The following TSEN2 variants were observed in gnomAD, a reference collection of about 807,000 sequenced individuals.
TSEN2 encodes the protein tRNA splicing endonuclease subunit 2, also known as tRNA-splicing endonuclease subunit Sen2.
A neutral mutation model predicts 59.2 loss-of-function variants in TSEN2; 54 were observed. The observed-to-expected ratio is 0.91, with a 90% CI of 0.73 to 1.14. The LOEUF is 1.14. Ranked by LOEUF, TSEN2 falls within the 50% of genes most tolerant of loss-of-function variation. The pLI, the probability that TSEN2 is intolerant of heterozygous loss-of-function variation, is 0.00. For missense variants in TSEN2, 636 were observed against 576.2 expected (o/e 1.10, Z -1.06); for synonymous variants, 195 against 198.2 (o/e 0.98, Z 0.14).
Position 12,532,659 on chromosome 3 carries a change from TAGG to T in TSEN2, c.1340_1342del (p.Glu447del), listed in dbSNP as rs2057539291. The T allele has an allele frequency of 6.2e-7, 1 of 1,613,936 alleles. No homozygotes were observed. The highest frequency in any genetic ancestry group is 8.5e-7 in the Non-Finnish European group (1 of 1,179,972). On this transcript the variant is annotated splice_acceptor_variant and coding_sequence_variant, in exon 12 of 12. Transcript: ENST00000284995. LOFTEE classifies it high-confidence loss of function. ...AAATGGTCTTTTTTTTTATTGGTTG[TAGG>T]AGGTGATTCTGAGTCGATGGGTTTC...
chr3:12,528,862 T>G (rs1283774825), intron 8 of TSEN2, 26 bp from the exon 9 acceptor site: 9 of 1,613,614 alleles, frequency 5.6e-6, no homozygotes, highest in Non-Finnish European at 7.6e-6. Context: ...GTGGTTATAC[T>G]TCTTTTTTTT....
intron 6 of TSEN2, chr3:12,514,888 C>G (rs1472114711): frequency 6.6e-6 from 1 of 152,056 alleles, no homozygotes; most frequent in Admixed American, 6.5e-5. Flanking sequence ...TTTTCCAAAA[C>G]AAAAAATTTG....
chr3:12,507,644 A>G (rs940930843), intron 6 of TSEN2, among the ~76,000 whole-genome samples: 1 of 152,186 alleles, frequency 6.6e-6, no homozygotes, highest in South Asian at 2.1e-4. Context: ...GCTAAGTGCT[A>G]CCGATACTGA....
At chr3:12,521,733 T>C (rs565309513) in intron 8 of TSEN2, among the ~76,000 whole-genome samples, 2 of 150,808 alleles carry the variant, frequency 1.3e-5, no homozygotes, top group Non-Finnish European at 2.9e-5. Context: ...AAAAATAGGC[T>C]GGGCGCGGTG....
intron 6 of TSEN2, among the ~76,000 whole-genome samples, chr3:12,510,201 C>T (rs912671380): frequency 1.2e-4 from 18 of 152,170 alleles, no homozygotes; most frequent in Admixed American, 4.6e-4. Context: ...GGTCTGCCAC[C>T]GAACCCTTGG....
In TSEN2 at chr3:12,503,810, C is replaced by T. The variant is rs781280007; in HGVS notation, c.831+26C>T. On this transcript the variant is annotated intron_variant, in intron 5 of 11. Coordinates refer to ENST00000284995, the MANE Select transcript of TSEN2 (RefSeq NM_025265.4). Reference sequence around the variant, plus strand: ...GTAAGTAGAAGAAAATAAATCGCTTCCTCCAAAGCCATCCGTTCCTGGAGA... The same window carrying T: ...GTAAGTAGAAGAAAATAAATCGCTTTCTCCAAAGCCATCCGTTCCTGGAGA... 20 of 1,606,766 alleles carry T rather than the reference C, an allele frequency of 1.2e-5. No individual in the cohort carries two copies. The South Asian group carries it at 2.2e-4, about 18-fold the overall frequency.
At position 12,512,462 on chromosome 3, in the gene TSEN2, T is replaced by C. The variant is rs557978618; in HGVS notation, c.910-4149T>C. ...CCAGCACAGTTCCTGGCACATGTAATAGGTGCTCGTTTGGTTCCTGCCTTT... is the reference window on the plus strand; with the variant it reads ...CCAGCACAGTTCCTGGCACATGTAACAGGTGCTCGTTTGGTTCCTGCCTTT... On this transcript the variant is annotated intron_variant, in intron 6 of 11. Transcript: ENST00000284995. Among the ~76,000 whole-genome samples, 14 of 152,346 alleles carry C rather than the reference T, an allele frequency of 9.2e-5. No homozygotes were observed. The South Asian group carries it at 1.4e-3, about 16-fold the overall frequency.
At chr3:12,501,816 G>T (rs1184549185) in intron 4 of TSEN2, among the ~76,000 whole-genome samples, 1 of 152,096 alleles carries the variant, frequency 6.6e-6, no homozygotes, top group Non-Finnish European at 1.5e-5. Context: ...GAAGGTCGAG[G>T]CAAAAAGCAC....
intron 8 of TSEN2, among the ~76,000 whole-genome samples, chr3:12,521,249 A>G (rs1181482196): frequency 1.3e-5 from 2 of 152,256 alleles, no homozygotes; most frequent in East Asian, 1.9e-4. Flanking sequence ...TGTTTGAGGC[A>G]TCAAGAATAC....
chr3:12,522,595 C>G (rs2056738200), intron 8 of TSEN2, among the ~76,000 whole-genome samples: 1 of 152,212 alleles, frequency 6.6e-6, no homozygotes, highest in Non-Finnish European at 1.5e-5. Flanking sequence ...ATTTTAATTT[C>G]AAAGGCCAAT....
At position 12,517,075 on chromosome 3, in the gene TSEN2, C is replaced by T. The variant is rs556960601; in HGVS notation, c.960+414C>T. On this transcript the variant is annotated intron_variant, in intron 7 of 11. Transcript: ENST00000284995. ...GAATTTGCAGATAAGGGGCCGGGCC[C>T]GGTGGCTCACGCCTGTAATCCCAGC... 1.3e-4 allele frequency among the ~76,000 whole-genome samples: 20 copies of T among 152,196 alleles called. No homozygotes were observed. The East Asian group carries it at 2.5e-3, about 19-fold the overall frequency.
intron 4 of TSEN2, among the ~76,000 whole-genome samples, chr3:12,497,765 T>C (rs1194154000): frequency 6.6e-6 from 1 of 152,152 alleles, no homozygotes; most frequent in Non-Finnish European, 1.5e-5. Flanking sequence ...TCCCAAGAAG[T>C]TTCATTGACC....
At chr3:12,492,998 A>G (rs992797573) in intron 3 of TSEN2, among the ~76,000 whole-genome samples, 1 of 152,198 alleles carries the variant, frequency 6.6e-6, no homozygotes. Context: ...TTTACCTATT[A>G]TAGATATTTC....
intron 7 of TSEN2, 105 bp downstream of exon 7, chr3:12,516,766 T>A (rs2125142392): frequency 1.7e-6 from 2 of 1,171,354 alleles, no homozygotes; most frequent in Non-Finnish European, 2.5e-6. Flanking sequence ...CTACTCTTAC[T>A]GAATAAAATA....
At chr3:12,490,096 G>T in intron 2 of TSEN2, 107 bp downstream of exon 2, 2 of 1,091,972 alleles carry the variant, frequency 1.8e-6, no homozygotes, top group Non-Finnish European at 2.8e-6. Context: ...TGAACAATGT[G>T]TATTCTTTCC....
In TSEN2 at chr3:12,484,678, G is replaced by A. The variant is rs182837891; in HGVS notation, c.-220G>A. On this transcript the variant is annotated 5_prime_UTR_variant, in exon 1 of 12. Coordinates refer to ENST00000284995, the MANE Select transcript of TSEN2 (RefSeq NM_025265.4). ...GGCCGAGACAGTGCCGGGACGGGGA[G>A]CCAGGCTTCCGAGTGCGCCCGGTCA... 1,542 of 152,414 alleles carry A rather than the reference G, an allele frequency of 0.01. 14 individuals carry two copies. The highest frequency in any genetic ancestry group is 0.014 in the Non-Finnish European group (925 of 68,072). The allele number at this position is 152,414 out of a possible 1,614,324, so 9.4% of individuals were successfully genotyped here.
intron 6 of TSEN2, among the ~76,000 whole-genome samples, 167 bp from the exon 7 acceptor site, chr3:12,516,444 A>ATGTGTGTGTGTGTGTG (rs1289799497): frequency 1.9e-5 from 1 of 51,632 alleles, no homozygotes; most frequent in African/African-American, 8.6e-5. Context: ...CAAACAAAAT[A>ATGTGTGTGTGTGTGTG]TATGTGTGTG....
chr3:12,539,491 C>G (rs1187467055), exon 11 of TSEN2: 1 of 181,326 alleles, frequency 5.5e-6, no homozygotes, highest in African/African-American at 2.4e-5. Context: ...TACTTCATAA[C>G]TTGTGTCTCA....
At chr3:12,525,542 T>C (rs1339675607) in intron 8 of TSEN2, among the ~76,000 whole-genome samples, 1 of 146,882 alleles carries the variant, frequency 6.8e-6, no homozygotes, top group Non-Finnish European at 1.5e-5. Flanking sequence ...CTTTCAGACC[T>C]TATTTTTACT....
Sources: allele counts gnomAD v4.1 joint callset (sites outside exome capture counted in the v4.1 genomes callset), GRCh38; gene constraint gnomAD v4.1.1; transcripts MANE v1.5; gene names NCBI Gene and HGNC (gene_info 2026-07-23, HGNC 2026-07-21).